Variants in MYO1E observed in about 807,000 individuals in gnomAD.
MYO1E encodes the protein myosin IE.
In MYO1E, 68 loss-of-function variants were observed where a neutral mutation model predicts 151.1. The ratio of observed to expected loss-of-function variants is 0.45; its 90% CI spans 0.37 to 0.55. The LOEUF is 0.55. Among genes scored for constraint, MYO1E ranks in the 20% least tolerant of loss-of-function variants. MYO1E has a pLI of 0.00. For missense variants in MYO1E, 1,363 were observed against 1,389.3 expected (o/e 0.98, Z 0.30); for synonymous variants, 601 against 501.7 (o/e 1.20, Z -2.64).
intron 1 of MYO1E, among the ~76,000 whole-genome samples, chr15:59,292,789 T>C (rs754971677): frequency 1.3e-5 from 2 of 152,248 alleles, no homozygotes; most frequent in Non-Finnish European, 2.9e-5. Context: ...GGGGTCTTTC[T>C]TATCTGAACA....
chr15:59,253,178 T>G (rs1167786247), intron 4 of MYO1E, among the ~76,000 whole-genome samples: 1 of 152,222 alleles, frequency 6.6e-6, no homozygotes, highest in African/African-American at 2.4e-5. Flanking sequence ...GGGAGACTGC[T>G]AGGGCAACAA....
chr15:59,328,837 C>T (rs1233742817), intron 1 of MYO1E, among the ~76,000 whole-genome samples: 6 of 152,132 alleles, frequency 3.9e-5, no homozygotes, highest in East Asian at 1.9e-4. Flanking sequence ...TCTACCCATA[C>T]GTTTGAGAAA....
intron 26 of MYO1E, among the ~76,000 whole-genome samples, chr15:59,149,187 G>C (rs957630004): frequency 1.3e-5 from 2 of 151,496 alleles, no homozygotes; most frequent in African/African-American, 4.9e-5. Flanking sequence ...CTCCTGATTA[G>C]CTGGGACTAC....
rs573952076 is a variant in MYO1E at position 59,236,542 on chromosome 15, T to C, written c.420+43A>G. 6 of 1,517,150 alleles carry C rather than the reference T, an allele frequency of 4.0e-6. No individual in the cohort carries two copies. In the African/African-American group the frequency reaches 8.2e-5, roughly 21 times the overall value. 94.0% of individuals were successfully genotyped at this position (1,517,150 alleles called of 1,614,324 possible). ...TAACAGCAAATGGAGCCTCTTACAT[T>C]TCCCATAACATAAGGTATCATAATG... is the stretch of plus-strand genomic sequence containing the variant. On this transcript the variant is annotated intron_variant, in intron 5 of 27. Coordinates refer to ENST00000288235, the MANE Select transcript of MYO1E (RefSeq NM_004998.4).
In MYO1E at chr15:59,214,542, T is replaced by C; in HGVS notation, c.1188+98A>G. On this transcript the variant is annotated intron_variant, in intron 11 of 27. Transcript: ENST00000288235. ...GTTTTTTTTGTTGTTGTGGTTTGTT[T>C]TCTGTTTTTTTGTTTTTGCATTGCC... 5 of 1,233,816 alleles carry C rather than the reference T, an allele frequency of 4.1e-6. No individual in the cohort carries two copies. In the South Asian group the frequency reaches 6.1e-5, roughly 15 times the overall value. The allele number at this position is 1,233,816 out of a possible 1,614,324, so 76.4% of individuals were successfully genotyped here.
chr15:59,302,449 G>A (rs1300426166), intron 1 of MYO1E, among the ~76,000 whole-genome samples: 1 of 152,204 alleles, frequency 6.6e-6, no homozygotes, highest in Admixed American at 6.5e-5. Flanking sequence ...GGTGACCACT[G>A]CAGTCACTTA....
chr15:59,326,653 TAACC>T (rs554882526), intron 1 of MYO1E, among the ~76,000 whole-genome samples: 57 of 152,390 alleles, frequency 3.7e-4, no homozygotes, highest in African/African-American at 1.3e-3. Flanking sequence ...AAATGTCTCC[TAACC>T]AAGAGATTTA....
rs139492277 is a variant in MYO1E at position 59,368,702 on chromosome 15, C to T, written c.3+3796G>A. Among the ~76,000 whole-genome samples the T allele has an allele frequency of 2.3e-3, 349 of 152,044 alleles. 1 individual carries two copies. Among genetic ancestry groups the T allele is most frequent in the African/African-American group, 7.4e-3 (308 of 41,458 alleles). ...CGGAGGTTGCAGTGAGTTGAGATCGCGCCAGTGCACTCCAGCCCGGGCGAC... is the reference window on the plus strand; with the variant it reads ...CGGAGGTTGCAGTGAGTTGAGATCGTGCCAGTGCACTCCAGCCCGGGCGAC... On this transcript the variant is annotated intron_variant, in intron 1 of 27. Transcript: ENST00000288235.
intron 26 of MYO1E, among the ~76,000 whole-genome samples, chr15:59,152,520 G>C (rs1476256395): frequency 6.6e-6 from 1 of 152,188 alleles, no homozygotes; most frequent in African/African-American, 2.4e-5. Flanking sequence ...CAAGTCTCTA[G>C]TTCAACCTCC....
In MYO1E at chr15:59,163,157, G is replaced by C. The variant is rs147596471; in HGVS notation, c.2627C>G (p.Thr876Arg). ...GTCTGGGTCCCAGATCCGGACTTACGTATTGCTGAATTTCAGAGGTAGTTG... is the reference window on the plus strand; with the variant it reads ...GTCTGGGTCCCAGATCCGGACTTACCTATTGCTGAATTTCAGAGGTAGTTG... ...QKQLPLKFSN[T>R]LELKLKKENW... The change falls in exon 23 of 28, where the codon ACG (threonine) becomes AGG (arginine). Residue 876 changes from threonine (T) to arginine (R), a missense_variant and splice_region_variant. Thr to Arg is a moderately conservative substitution (Grantham distance 71, BLOSUM62 -1). Transcript: ENST00000288235. The C allele has an allele frequency of 2.6e-3, 4,186 of 1,613,958 alleles. 11 individuals carry two copies. Among genetic ancestry groups the C allele is most frequent in the Non-Finnish European group, 3.2e-3 (3,809 of 1,179,914 alleles).
intron 17 of MYO1E, among the ~76,000 whole-genome samples, chr15:59,190,979 G>A (rs1387575404): frequency 2.6e-5 from 4 of 152,150 alleles, no homozygotes; most frequent in African/African-American, 9.7e-5. Flanking sequence ...GCCAGTGGCA[G>A]GGTGCTGTGG....
intron 1 of MYO1E, among the ~76,000 whole-genome samples, chr15:59,316,997 T>C (rs2080593084): frequency 6.6e-6 from 1 of 152,188 alleles, no homozygotes; most frequent in Admixed American, 6.5e-5. Flanking sequence ...CCAGGAATAA[T>C]CTAGAGTATT....
intron 1 of MYO1E, among the ~76,000 whole-genome samples, chr15:59,363,261 G>A (rs1427254745): frequency 6.6e-6 from 1 of 152,166 alleles, no homozygotes; most frequent in East Asian, 1.9e-4. Flanking sequence ...ACAGGCGTGA[G>A]CCACCATGCC....
At chr15:59,176,356 G>A (rs772008258) in intron 19 of MYO1E, among the ~76,000 whole-genome samples, 2 of 152,058 alleles carry the variant, frequency 1.3e-5, no homozygotes, top group Admixed American at 6.6e-5. Flanking sequence ...CACTGCGCGC[G>A]GTTATGATGT....
chr15:59,243,554 C>T, intron 4 of MYO1E, among the ~76,000 whole-genome samples: 1 of 152,144 alleles, frequency 6.6e-6, no homozygotes, highest in East Asian at 1.9e-4. Flanking sequence ...GAGTCTGTGT[C>T]AGGGGCAAGA....
intron 1 of MYO1E, among the ~76,000 whole-genome samples, chr15:59,336,363 G>A (rs748585522): frequency 1.3e-5 from 2 of 151,730 alleles, no homozygotes; most frequent in Non-Finnish European, 2.9e-5. Context: ...GGAGTGAAAC[G>A]CTGTCTCAAA....
intron 26 of MYO1E, among the ~76,000 whole-genome samples, chr15:59,139,721 TC>T (rs1476644509): frequency 6.7e-5 from 10 of 149,500 alleles, no homozygotes; most frequent in Middle Eastern, 3.6e-3. Flanking sequence ...CAGACTTCCC[TC>T]CTACCTCCTC....
intron 24 of MYO1E, among the ~76,000 whole-genome samples, chr15:59,160,186 G>A (rs1323320380): frequency 6.6e-6 from 1 of 151,990 alleles, no homozygotes; most frequent in East Asian, 1.9e-4. Flanking sequence ...ATCACACACA[G>A]GCTAAATCTT....
intron 1 of MYO1E, among the ~76,000 whole-genome samples, chr15:59,296,941 G>A (rs556551029): frequency 3.0e-5 from 4 of 133,064 alleles, no homozygotes; most frequent in South Asian, 2.8e-4. Flanking sequence ...CCGGGTTCAC[G>A]CCATTCTTCT....
Sources: gnomAD v4.1 joint callset for allele counts (sites outside exome capture counted in the v4.1 genomes callset) on GRCh38, gnomAD v4.1.1 for gene constraint, MANE v1.5 for transcripts, NCBI Gene and HGNC (gene_info 2026-07-23, HGNC 2026-07-21) for gene names.